Variants in STK11IP observed in about 807,000 individuals in gnomAD.
The protein encoded by STK11IP is serine/threonine kinase 11 interacting protein.
STK11IP carries 103 observed loss-of-function variants against 131.7 expected under a neutral mutation model. The ratio of observed to expected loss-of-function variants is 0.78; its 90% CI spans 0.67 to 0.92. The LOEUF is 0.92. STK11IP is among the 40% of genes least tolerant of loss of function. The pLI is 0.00. For synonymous variants in STK11IP, 557 were observed against 575.6 expected (o/e 0.97, Z 0.46); for missense variants, 1,315 against 1,385.7 (o/e 0.95, Z 0.81).
intron 7 of STK11IP, among the ~76,000 whole-genome samples, chr2:219,603,233 G>T (rs1177670444): frequency 1.3e-5 from 2 of 151,894 alleles, no homozygotes; most frequent in Admixed American, 1.3e-4. Context: ...GTAGAGATGG[G>T]GTTTCACCAT....
In STK11IP at chr2:219,606,007, T is replaced by C; in HGVS notation, c.797T>C (p.Leu266Pro). The C allele has an allele frequency of 6.2e-7, 1 of 1,609,950 alleles. No homozygotes were observed. The highest frequency in any genetic ancestry group is 8.5e-7 in the Non-Finnish European group (1 of 1,178,270). ...LRHLDLAYNL[L>P]EGHRELSPLW... ...CACCTGGATTTGGCATACAACCTGC[T>C]GGAAGGACACCGGGAGCTGTCACCA... The change falls in exon 9 of 25, where the codon CTG becomes CCG. Residue 266 changes from leucine (L) to proline (P), a missense_variant. By Grantham distance (98) the Leu-to-Pro change is moderately conservative. Transcript: ENST00000456909.
Position 219,611,969 on chromosome 2 carries a change from G to T in STK11IP, c.2350G>T (p.Gly784Cys), listed in dbSNP as rs1399000676. The change falls in exon 19 of 25, where the codon GGC becomes TGC. Residue 784 changes from glycine (G) to cysteine (C), a missense_variant. Gly to Cys is a radical substitution (Grantham distance 159). Transcript: ENST00000456909. ...WSLSPPPERC[G>C]LRSVDHRLRL... ...ATTGCCCTCAGCCCCTGAGCGCTGTGGCCTCCGCTCTGTGGACCACCGACT... is the reference window on the plus strand; with the variant it reads ...ATTGCCCTCAGCCCCTGAGCGCTGTTGCCTCCGCTCTGTGGACCACCGACT... 1 of 1,597,858 alleles carries T rather than the reference G, an allele frequency of 6.3e-7. No homozygotes were observed. Among genetic ancestry groups the T allele is most frequent in the Non-Finnish European group, 8.5e-7 (1 of 1,173,284 alleles).
intron 11 of STK11IP, 66 bp downstream of exon 11, chr2:219,606,583 C>CAG: frequency 6.2e-7 from 1 of 1,609,346 alleles, no homozygotes; most frequent in Non-Finnish European, 8.5e-7. Flanking sequence ...GGGGAGAGAA[C>CAG]AGAGGGCTGG....
chr2:219,602,345 G>A lies in STK11IP; in HGVS notation c.439-123G>A, dbSNP rs148694566. On this transcript the variant is annotated intron_variant, in intron 5 of 24. Transcript: ENST00000456909. ...CTTGGGTCAGGGACCTGGGCTTTAA[G>A]CCTGTATCTTCAGATGGAGTTCAGT... 4.4e-3 allele frequency: 3,367 copies of A among 769,560 alleles called. 24 individuals are homozygous for A. Among genetic ancestry groups the A allele is most frequent in the Non-Finnish European group, 6.4e-3 (3,034 of 475,364 alleles). 47.7% of individuals were successfully genotyped at this position (769,560 alleles called of 1,614,324 possible).
rs1441601359 is a variant in STK11IP, at chr2:219,602,777, G to T, written c.618+1G>T. ...CCAGGACTGTCAGGGATTCCTGATG[G>T]TGAGTATGGGCAGTTTGGCAGCTGG... On this transcript the variant is annotated splice_donor_variant, in intron 7 of 24. Coordinates refer to ENST00000456909, the MANE Select transcript of STK11IP (RefSeq NM_052902.4). LOFTEE classifies it high-confidence loss of function. 1 of 1,610,446 alleles carries T rather than the reference G, an allele frequency of 6.2e-7. No individual in the cohort carries two copies.
At chr2:219,601,465 G>A (rs1653195014) in intron 3 of STK11IP, 25 bp downstream of exon 3, 1 of 1,611,576 alleles carries the variant, frequency 6.2e-7, no homozygotes, top group Non-Finnish European at 8.5e-7. Context: ...GAAGAGGCAG[G>A]ATGTGCAAGG....
At position 219,609,315 on chromosome 2, in the gene STK11IP, G is replaced by A. The variant is rs376197652; in HGVS notation, c.1927-48G>A. ...GGCCGGGGGCCTGTGGGAGGTGTCC[G>A]TCTGGGGTCCGCCTGCTCACAGCTG... On this transcript the variant is annotated intron_variant, in intron 16 of 24. Transcript: ENST00000456909. 750 of 1,599,530 alleles carry A rather than the reference G, an allele frequency of 4.7e-4. 3 individuals carry two copies. In the South Asian group the frequency reaches 5.2e-3, roughly 11 times the overall value.
rs1236105081 is a variant in STK11IP at position 219,606,647 on chromosome 2, G to A, written c.988-65G>A. The A allele has an allele frequency of 4.4e-6, 7 of 1,594,786 alleles. No homozygotes were observed. In the East Asian group the frequency reaches 1.3e-4, roughly 31 times the overall value. ...AAAGTAGGGTCCCGCCTTTTGGCTG[G>A]CTTGGGCAAGGCAGAGGTGCTCCCA... On this transcript the variant is annotated intron_variant, in intron 11 of 24. Coordinates refer to ENST00000456909, the MANE Select transcript of STK11IP (RefSeq NM_052902.4).
In STK11IP at chr2:219,606,680, A is replaced by G. The variant is rs755425099; in HGVS notation, c.988-32A>G. The G allele has an allele frequency of 6.3e-6, 10 of 1,595,758 alleles. No individual in the cohort carries two copies. The South Asian group carries it at 1.1e-4, about 18-fold the overall frequency. Reference sequence around the variant, plus strand: ...AAGGCAGAGGTGCTCCCAGGCTCCAACCTCTCTCTCCTTCCTGTCGTCACG... The same window carrying G: ...AAGGCAGAGGTGCTCCCAGGCTCCAGCCTCTCTCTCCTTCCTGTCGTCACG... On this transcript the variant is annotated intron_variant, in intron 11 of 24. Coordinates refer to ENST00000456909, the MANE Select transcript of STK11IP (RefSeq NM_052902.4).
rs1040660516 is a variant in STK11IP, at chr2:219,602,364, G to A, written c.439-104G>A. The A allele has an allele frequency of 8.0e-6, 7 of 872,536 alleles. No individual in the cohort carries two copies. In the African/African-American group the frequency reaches 1.0e-4, roughly 12 times the overall value. The allele number at this position is 872,536 out of a possible 1,614,324, so 54.0% of individuals were successfully genotyped here. A position where few individuals can be genotyped will look rare whatever the true frequency, so the allele number is the denominator to read the frequency against. On this transcript the variant is annotated intron_variant, in intron 5 of 24. Transcript: ENST00000456909. Reference sequence around the variant, plus strand: ...CTTTAAGCCTGTATCTTCAGATGGAGTTCAGTGTATAAAAAATGAATGAGT... The same window carrying A: ...CTTTAAGCCTGTATCTTCAGATGGAATTCAGTGTATAAAAAATGAATGAGT...
chr2:219,608,471 C>T, intron 14 of STK11IP, 41 bp downstream of exon 14: 1 of 1,531,490 alleles, frequency 6.5e-7, no homozygotes, highest in Non-Finnish European at 8.8e-7. Context: ...GGCCAGGGGC[C>T]CTTGGGATGT....
Position 219,602,029 on chromosome 2 carries a change from C to T in STK11IP, c.384C>T (p.Gly128=). The change falls in exon 5 of 25, where the codon GGC becomes GGT. Residue 128 remains glycine, a synonymous_variant. Coordinates refer to ENST00000456909, the MANE Select transcript of STK11IP (RefSeq NM_052902.4). ...TCCACTGTCTGCATGGCCTCCGAGG[C>T]ATCTACTCCCAGCTGGAGACCCTGA... The part of the protein sequence containing the change: ...VPLHCLHGLR[G]IYSQLETLIC... 1 of 1,611,860 alleles carries T rather than the reference C, an allele frequency of 6.2e-7. No homozygotes were observed. Among genetic ancestry groups the T allele is most frequent in the Non-Finnish European group, 8.5e-7 (1 of 1,179,134 alleles).
rs921282428 is a variant in STK11IP at position 219,611,939 on chromosome 2, C to T, written c.2336-16C>T. 6 of 1,582,480 alleles carry T rather than the reference C, an allele frequency of 3.8e-6. No individual in the cohort carries two copies. The highest frequency in any genetic ancestry group is 1.8e-5 in the Admixed American group (1 of 55,654). ...GGGCTGCCATGGGCAGGCTGATGCC[C>T]CCTCATTGCCCTCAGCCCCTGAGCG... is the stretch of plus-strand genomic sequence containing the variant. On this transcript the variant is annotated splice_polypyrimidine_tract_variant and intron_variant, in intron 18 of 24. Transcript: ENST00000456909.
In STK11IP at chr2:219,606,927, G is replaced by A. The variant is rs1475906073; in HGVS notation, c.1134+69G>A. 13 of 1,585,102 alleles carry A rather than the reference G, an allele frequency of 8.2e-6. No individual in the cohort carries two copies. In the East Asian group the frequency reaches 2.7e-4, roughly 33 times the overall value. On this transcript the variant is annotated intron_variant, in intron 12 of 24. Transcript: ENST00000456909. The stretch of plus-strand genomic sequence containing the variant: ...TCTCCGGGGACTCTGGGCTACAGTG[G>A]GCAGGGAATGGTAGGAACTGTGCTT...
chr2:219,615,313 A>G lies in STK11IP; in HGVS notation c.3089A>G (p.Glu1030Gly). Residue 1030 changes from glutamate to glycine, a missense_variant, in exon 24 of 25, where the codon GAG becomes GGG. Glu to Gly is a moderately conservative substitution (Grantham distance 98, BLOSUM62 -2). Transcript: ENST00000456909. Reference sequence around the variant, plus strand: ...GTGCTGCTCTACCGCTCAGCCCCTGAGGACTTGCGGCTGCTCTTCTACGAT... The same window carrying G: ...GTGCTGCTCTACCGCTCAGCCCCTGGGGACTTGCGGCTGCTCTTCTACGAT... ...SSVLLYRSAP[E>G]DLRLLFYDEV... The G allele has an allele frequency of 6.2e-7, 1 of 1,602,512 alleles. No individual in the cohort carries two copies. Among genetic ancestry groups the G allele is most frequent in the Non-Finnish European group, 8.5e-7 (1 of 1,179,334 alleles).
chr2:219,612,213 T>A (rs1157996618), intron 19 of STK11IP, among the ~76,000 whole-genome samples, 155 bp downstream of exon 19: 1 of 152,182 alleles, frequency 6.6e-6, no homozygotes, highest in East Asian at 1.9e-4. Flanking sequence ...GTGGACACAT[T>A]CCCTGGTATT....
At chr2:219,613,037 GA>G in intron 19 of STK11IP, 90 bp from the exon 20 acceptor site, 2 of 980,016 alleles carry the variant, frequency 2.0e-6, no homozygotes, top group South Asian at 1.4e-5. Context: ...GGGTCAGGCC[GA>G]GGGTGCTGTC....
At position 219,602,003 on chromosome 2, in the gene STK11IP, C is replaced by G. The variant is rs1698002012; in HGVS notation, c.358C>G (p.Leu120Val). 2 of 1,611,378 alleles carry G rather than the reference C, an allele frequency of 1.2e-6. No individual in the cohort carries two copies. Residue 120 changes from leucine (L) to valine (V), a missense_variant, in exon 5 of 25, where the codon CTC (leucine) becomes GTC (valine). Leu to Val is a conservative substitution (Grantham distance 32). Transcript: ENST00000456909. The stretch of plus-strand genomic sequence containing the variant: ...CTTGTCCCAGCTCCGAGGTGTTCCC[C>G]TCCACTGTCTGCATGGCCTCCGAGG... ...LRHLELRGVP[L>V]HCLHGLRGIY...
At chr2:219,614,300 C>G in intron 22 of STK11IP, 58 bp downstream of exon 22, 1 of 1,593,668 alleles carries the variant, frequency 6.3e-7, no homozygotes. Context: ...CCACAGAGCC[C>G]CAGACATGGC....
Sources: allele counts gnomAD v4.1 joint callset (sites outside exome capture counted in the v4.1 genomes callset), GRCh38; gene constraint gnomAD v4.1.1; transcripts MANE v1.5; gene names NCBI Gene and HGNC (gene_info 2026-07-23, HGNC 2026-07-21).